Variants in TRIM66 observed in about 807,000 individuals in gnomAD.
The protein encoded by TRIM66 is tripartite motif-containing protein 66.
TRIM66 carries 99 observed loss-of-function variants against 148.2 expected under a neutral mutation model. The ratio of observed to expected loss-of-function variants is 0.67; its 90% CI spans 0.57 to 0.79. The LOEUF (loss-of-function observed/expected upper bound fraction) is 0.79, where lower values mean the gene tolerates loss of function less well. Among genes scored for constraint, TRIM66 ranks in the 30% least tolerant of loss-of-function variants. The probability of loss-of-function intolerance (pLI) is 0.00; values close to 1 mark genes in which losing one functional copy is unlikely to be tolerated. For synonymous variants in TRIM66, 616 were observed against 635.9 expected (o/e 0.97, Z 0.47); for missense variants, 1,666 against 1,697.9 (o/e 0.98, Z 0.33).
chr11:8,677,612 T>G (rs909415126), intron 3 of TRIM66, among the ~76,000 whole-genome samples: 10 of 151,534 alleles, frequency 6.6e-5, no homozygotes, highest in Non-Finnish European at 8.8e-5. Flanking sequence ...ACCTTATCTT[T>G]AAAAACAACA....
chr11:8,681,069 A>G (rs1467060704), intron 1 of TRIM66, among the ~76,000 whole-genome samples: 3 of 152,122 alleles, frequency 2.0e-5, no homozygotes, highest in African/African-American at 7.2e-5. Flanking sequence ...GCAAATGGGC[A>G]GGATTTGTAG....
At chr11:8,646,299 A>G (rs2036840809) in intron 11 of TRIM66, 148 bp downstream of exon 11, 2 of 683,540 alleles carry the variant, frequency 2.9e-6, no homozygotes, top group Non-Finnish European at 4.9e-6. Context: ...TCCCAAAATT[A>G]GGCTGACATT....
rs527656469 is a variant in TRIM66, at chr11:8,629,663, G to A, written c.2311-4435C>T. 4.6e-5 allele frequency among the ~76,000 whole-genome samples: 7 copies of A among 152,252 alleles called. No individual in the cohort carries two copies. The South Asian group carries it at 1.0e-3, about 23-fold the overall frequency. On this transcript the variant is annotated intron_variant, in intron 15 of 24. Coordinates refer to ENST00000646038, the MANE Select transcript of TRIM66 (RefSeq NM_001388022.1). ...GCAGACTGAGCTGTGGAAAAATTGC[G>A]GAAACTCCATGGCAGTTTATTTTGA...
Position 8,645,823 on chromosome 11 carries a change from C to T in TRIM66, c.1022G>A (p.Arg341His), listed in dbSNP as rs1456986563. 1.8e-5 allele frequency: 28 copies of T among 1,551,642 alleles called. No individual in the cohort carries two copies. Among genetic ancestry groups the T allele is most frequent in the African/African-American group, 2.7e-5 (2 of 73,070 alleles). Residue 341 changes from arginine (R) to histidine (H), a missense_variant, in exon 12 of 25, where the codon CGT becomes CAT. By Grantham distance (29) the Arg-to-His change is conservative. Transcript: ENST00000646038. Reference protein sequence around the residue: ...QQLQSIMVLNRQFEHVQNFIN... With the variant: ...QQLQSIMVLNHQFEHVQNFIN... ...GAAATTCTGCACATGCTCAAACTGA[C>T]GGTTGAGAACCATGATGCTCTGTAA...
intron 3 of TRIM66, among the ~76,000 whole-genome samples, chr11:8,675,629 G>C (rs184041013): frequency 4.6e-5 from 7 of 152,238 alleles, no homozygotes; most frequent in Admixed American, 2.6e-4. Context: ...TGATCCACCT[G>C]CCTTGGCCTC....
intron 15 of TRIM66, among the ~76,000 whole-genome samples, chr11:8,628,743 T>C (rs2035115492): frequency 1.3e-5 from 2 of 151,474 alleles, no homozygotes; most frequent in African/African-American, 2.4e-5. Context: ...CATATTCTGT[T>C]CTATTTCTTT....
intron 21 of TRIM66, 126 bp from the exon 22 acceptor site, chr11:8,620,250 A>C (rs1186289793): frequency 1.5e-6 from 2 of 1,304,668 alleles, no homozygotes; most frequent in Non-Finnish European, 1.1e-6. Flanking sequence ...ACTAAGGCAC[A>C]ATTCAGGTTC....
At chr11:8,662,533 A>T (rs1008606469) in intron 6 of TRIM66, among the ~76,000 whole-genome samples, 13 of 152,170 alleles carry the variant, frequency 8.5e-5, no homozygotes, top group African/African-American at 3.1e-4. Context: ...GGTGTTCTTA[A>T]ATCTCATTAA....
At chr11:8,619,913 A>C (rs2034041090) in intron 22 of TRIM66, 137 bp downstream of exon 22, 1 of 896,708 alleles carries the variant, frequency 1.1e-6, no homozygotes, top group Non-Finnish European at 1.7e-6. Context: ...AGCAGAAAAG[A>C]CAGTAGCAGG....
intron 15 of TRIM66, among the ~76,000 whole-genome samples, chr11:8,633,595 G>C (rs1302144148): frequency 6.6e-6 from 1 of 152,110 alleles, no homozygotes; most frequent in Non-Finnish European, 1.5e-5. Flanking sequence ...CAGGACGCAG[G>C]CTGTGCCTTA....
chr11:8,622,672 C>T (rs1373118043), intron 18 of TRIM66, 144 bp downstream of exon 18: 4 of 731,992 alleles, frequency 5.5e-6, no homozygotes, highest in Non-Finnish European at 9.4e-6. Flanking sequence ...CAGACATCCA[C>T]TTGAAGGTTG....
chr11:8,683,079 G>A (rs1273983648), upstream of TRIM66: 1 of 1,099,010 alleles, frequency 9.1e-7, no homozygotes, highest in Admixed American at 1.9e-5. Context: ...GGTACCCTCA[G>A]CTTTCCCAAA....
Position 8,640,590 on chromosome 11 carries a change from C to T in TRIM66, c.1785G>A (p.Gln595=), listed in dbSNP as rs2036290130. The part of the protein sequence containing the change: ...HHQKLKLSHF[Q]QQPQQQLPPP... ...GTGGTAGCTGCTGCTGTGGCTGCTG[C>T]TGAAAGTGACTGAGCTTCAGCTTCT... is the stretch of plus-strand genomic sequence containing the variant. The change falls in exon 14 of 25, where the codon CAG becomes CAA. Residue 595 remains glutamine, a synonymous_variant. Transcript: ENST00000646038. 1 of 1,551,154 alleles carries T rather than the reference C, an allele frequency of 6.4e-7. No homozygotes were observed. Among genetic ancestry groups the T allele is most frequent in the African/African-American group, 1.4e-5 (1 of 73,024 alleles).
rs1387285876 is a variant in TRIM66, at chr11:8,648,560, G to C, written c.593-12C>G. ...ACCACCATTCACTCCTGCCAGAGAA[G>C]ACAGAGAAAGTGAGCTTCTCTTGCT... is the stretch of plus-strand genomic sequence containing the variant. On this transcript the variant is annotated splice_polypyrimidine_tract_variant and intron_variant, in intron 8 of 24. Transcript: ENST00000646038. 3 of 1,551,354 alleles carry C rather than the reference G, an allele frequency of 1.9e-6. No individual in the cohort carries two copies. The East Asian group carries it at 7.3e-5, about 38-fold the overall frequency.
At chr11:8,670,846 C>G (rs1202611405) in intron 6 of TRIM66, among the ~76,000 whole-genome samples, 1 of 152,150 alleles carries the variant, frequency 6.6e-6, no homozygotes, top group Non-Finnish European at 1.5e-5. Context: ...AGGTAGCTTG[C>G]CCATGGGTTC....
chr11:8,621,936 T>C, intron 18 of TRIM66, 117 bp from the exon 19 acceptor site: 4 of 1,053,402 alleles, frequency 3.8e-6, no homozygotes, highest in South Asian at 1.9e-5. Flanking sequence ...CTTGATTGGA[T>C]TGAAGGATAC....
chr11:8,622,970 T>G (rs1043157770), intron 17 of TRIM66, 94 bp from the exon 18 acceptor site: 1 of 1,115,566 alleles, frequency 9.0e-7, no homozygotes, highest in African/African-American at 1.5e-5. Flanking sequence ...ATTCATACCT[T>G]TGGCCACACA....
At chr11:8,652,834 C>A in intron 6 of TRIM66, among the ~76,000 whole-genome samples, 1 of 152,166 alleles carries the variant, frequency 6.6e-6, no homozygotes, top group Non-Finnish European at 1.5e-5. Flanking sequence ...CTTCAAAATA[C>A]GAAAGAATGA....
At chr11:8,681,586 A>G (rs2039428105) in intron 1 of TRIM66, among the ~76,000 whole-genome samples, 1 of 152,194 alleles carries the variant, frequency 6.6e-6, no homozygotes, top group Non-Finnish European at 1.5e-5. Context: ...ATCTATTAAT[A>G]GACTAGCGAG....
Sources: gnomAD v4.1 joint callset for allele counts (sites outside exome capture counted in the v4.1 genomes callset) on GRCh38, gnomAD v4.1.1 for gene constraint, MANE v1.5 for transcripts, NCBI Gene and HGNC (gene_info 2026-07-23, HGNC 2026-07-21) for gene names.